The following RAD23B variants were observed in gnomAD, a reference collection of about 807,000 sequenced individuals.
The protein encoded by RAD23B is RAD23 nucleotide excision repair protein B, also known as lysine-specific demethylase RAD23B.
A neutral mutation model predicts 49.1 loss-of-function variants in RAD23B; 5 were observed. The ratio of observed to expected loss-of-function variants is 0.10; its 90% CI spans 0.05 to 0.21. The LOEUF (loss-of-function observed/expected upper bound fraction) is 0.21, where lower values mean the gene tolerates loss of function less well. Ranked by LOEUF, RAD23B falls within the 10% of genes least tolerant of loss-of-function variation. The pLI is 1.00. For missense variants in RAD23B, 356 were observed against 486.7 expected, an observed-to-expected ratio of 0.73 and a Z score of 2.53; for synonymous variants, 184 against 165.4, an observed-to-expected ratio of 1.11 and a Z score of -0.86.
chr9:107,290,362 G>A (rs1281924756), intron 1 of RAD23B, among the ~76,000 whole-genome samples: 6 of 151,992 alleles, frequency 3.9e-5, no homozygotes, highest in East Asian at 1.9e-4. Flanking sequence ...CATTTCTAGG[G>A]TATACAAACA....
chr9:107,306,141 G>A (rs1330306057), intron 3 of RAD23B, among the ~76,000 whole-genome samples: 4 of 144,324 alleles, frequency 2.8e-5, no homozygotes, highest in Admixed American at 1.4e-4. Context: ...AAATTGTTGG[G>A]TAAAATTAAT....
chr9:107,304,466 A>C (rs1181017344), intron 3 of RAD23B, among the ~76,000 whole-genome samples: 3 of 146,798 alleles, frequency 2.0e-5, no homozygotes, highest in Admixed American at 6.8e-5. Flanking sequence ...AATAATCTGC[A>C]GAATATTATA....
intron 3 of RAD23B, among the ~76,000 whole-genome samples, chr9:107,305,203 G>C (rs1826738066): frequency 6.6e-6 from 1 of 152,164 alleles, no homozygotes; most frequent in African/African-American, 2.4e-5. Flanking sequence ...TTGGGGGCGG[G>C]GGCAGTGGCT....
chr9:107,287,617 C>T (rs986192172), intron 1 of RAD23B, among the ~76,000 whole-genome samples: 4 of 151,946 alleles, frequency 2.6e-5, no homozygotes, highest in Non-Finnish European at 5.9e-5. Context: ...GGTGGATCAC[C>T]TGAGGTCAGG....
At chr9:107,314,139 T>C (rs1391316076) in intron 5 of RAD23B, among the ~76,000 whole-genome samples, 1 of 152,222 alleles carries the variant, frequency 6.6e-6, no homozygotes, top group African/African-American at 2.4e-5. Flanking sequence ...TCATGGGGTC[T>C]TTGTTAATTC....
Position 107,329,884 on chromosome 9 carries a change from C to G in RAD23B, c.*228C>G, listed in dbSNP as rs2133103302. On this transcript the variant is annotated 3_prime_UTR_variant, in exon 10 of 10. Transcript: ENST00000358015. Reference sequence around the variant, plus strand: ...ACACAGTGTGTAAAATATATACAACCAAAAATCAGCTTTTGCAGGTCTTTA... The same window carrying G: ...ACACAGTGTGTAAAATATATACAACGAAAAATCAGCTTTTGCAGGTCTTTA... The G allele has an allele frequency of 6.6e-6, 2 of 303,606 alleles. No individual in the cohort carries two copies. The highest frequency in any genetic ancestry group is 5.2e-5 in the East Asian group (1 of 19,304). 18.8% of individuals were successfully genotyped at this position (303,606 alleles called of 1,614,324 possible). A position where few individuals can be genotyped will look rare whatever the true frequency, so the allele number is the denominator to read the frequency against.
At chr9:107,309,997 A>G (rs985321938) in intron 4 of RAD23B, among the ~76,000 whole-genome samples, 1 of 151,884 alleles carries the variant, frequency 6.6e-6, no homozygotes, top group Non-Finnish European at 1.5e-5. Context: ...GATGTGTCTT[A>G]CCGGATTTTA....
At chr9:107,325,315 A>G (rs1238288613) in intron 9 of RAD23B, among the ~76,000 whole-genome samples, 3 of 54,096 alleles carry the variant, frequency 5.5e-5, no homozygotes, top group African/African-American at 1.7e-4. Flanking sequence ...CTCTGTCTCA[A>G]AAAAAAAAAA....
Position 107,332,110 on chromosome 9 carries a change from C to A in RAD23B, c.*2454C>A. 4.7e-6 allele frequency: 1 copy of A among 212,044 alleles called. No homozygotes were observed. The highest frequency in any genetic ancestry group is 9.2e-6 in the Non-Finnish European group (1 of 108,168). The allele number at this position is 212,044 out of a possible 1,614,324, so 13.1% of individuals were successfully genotyped here. On this transcript the variant is annotated 3_prime_UTR_variant, in exon 10 of 10. Coordinates refer to ENST00000358015, the MANE Select transcript of RAD23B (RefSeq NM_002874.5). ...AATTTTTTTTCATTGTTTAAAAATA[C>A]GGAAGTGTTCCAATATAATTTTTTC...
chr9:107,296,072 G>C (rs986796849), intron 1 of RAD23B, among the ~76,000 whole-genome samples: 3 of 152,110 alleles, frequency 2.0e-5, no homozygotes, highest in Non-Finnish European at 2.9e-5. Flanking sequence ...AACATGGAGT[G>C]GTTTTTAGAT....
intron 9 of RAD23B, among the ~76,000 whole-genome samples, chr9:107,329,317 T>C (rs778156209): frequency 6.6e-6 from 1 of 152,176 alleles, no homozygotes; most frequent in African/African-American, 2.4e-5. Context: ...TTTAGGTGAT[T>C]AGTAAAGGAA....
rs761132798 is a variant in RAD23B at position 107,322,126 on chromosome 9, G to A, written c.817+8G>A. 14 of 1,588,696 alleles carry A rather than the reference G, an allele frequency of 8.8e-6. No homozygotes were observed. Among genetic ancestry groups the A allele is most frequent in the Admixed American group, 5.4e-5 (3 of 55,124 alleles). On this transcript the variant is annotated splice_region_variant and intron_variant, in intron 7 of 9. Coordinates refer to ENST00000358015, the MANE Select transcript of RAD23B (RefSeq NM_002874.5). ...CAACAACAAGTTCTGGAGGTAAAGC[G>A]GAATCTTCTGGATGGGGAGGGAATG...
chr9:107,322,131 C>T lies in RAD23B; in HGVS notation c.817+13C>T. 1 of 1,581,734 alleles carries T rather than the reference C, an allele frequency of 6.3e-7. No individual in the cohort carries two copies. The highest frequency in any genetic ancestry group is 8.6e-7 in the Non-Finnish European group (1 of 1,163,130). On this transcript the variant is annotated intron_variant, in intron 7 of 9. Transcript: ENST00000358015. ...ACAAGTTCTGGAGGTAAAGCGGAAT[C>T]TTCTGGATGGGGAGGGAATGGCCCT...
chr9:107,289,875 A>G (rs879590813), intron 1 of RAD23B, among the ~76,000 whole-genome samples: 3 of 152,144 alleles, frequency 2.0e-5, no homozygotes, highest in Non-Finnish European at 4.4e-5. Flanking sequence ...ATTAAATTCA[A>G]CTCAGTGTTT....
At chr9:107,316,480 T>G (rs1392580281) in intron 5 of RAD23B, among the ~76,000 whole-genome samples, 1 of 152,212 alleles carries the variant, frequency 6.6e-6, no homozygotes, top group East Asian at 1.9e-4. Flanking sequence ...GATACTGATT[T>G]CTGTATCTGG....
chr9:107,321,877 CT>C, intron 6 of RAD23B, 105 bp from the exon 7 acceptor site: 1 of 1,192,724 alleles, frequency 8.4e-7, no homozygotes, highest in Non-Finnish European at 1.1e-6. Flanking sequence ...CTGTTTGATG[CT>C]TTTGAAAATC....
At chr9:107,304,579 T>TCAA (rs1285488600) in intron 3 of RAD23B, among the ~76,000 whole-genome samples, 2 of 152,242 alleles carry the variant, frequency 1.3e-5, no homozygotes, top group Non-Finnish European at 2.9e-5. Flanking sequence ...CCTAGTGTCT[T>TCAA]CTTTATTAGT....
At chr9:107,309,506 A>T (rs925856603) in intron 4 of RAD23B, among the ~76,000 whole-genome samples, 1 of 152,244 alleles carries the variant, frequency 6.6e-6, no homozygotes, top group Admixed American at 6.5e-5. Context: ...AAGCGTTGAC[A>T]TATAACTAAT....
rs1833206188 is a variant in RAD23B, at chr9:107,283,709, C to T, written c.66+14C>T. ...CCCGAGGAGACGGTATGCGCGCGGG[C>T]CGGGGGCAGGGGCAGCCGCGTGCGG... On this transcript the variant is annotated intron_variant, in intron 1 of 9. Transcript: ENST00000358015. 1 of 1,446,102 alleles carries T rather than the reference C, an allele frequency of 6.9e-7. No homozygotes were observed. Among genetic ancestry groups the T allele is most frequent in the African/African-American group, 1.5e-5 (1 of 67,314 alleles). 89.6% of individuals were successfully genotyped at this position (1,446,102 alleles called of 1,614,324 possible). A position where few individuals can be genotyped will look rare whatever the true frequency, so the allele number is the denominator to read the frequency against.
Sources: gnomAD v4.1 joint callset for allele counts (sites outside exome capture counted in the v4.1 genomes callset) on GRCh38, gnomAD v4.1.1 for gene constraint, MANE v1.5 for transcripts, NCBI Gene and HGNC (gene_info 2026-07-23, HGNC 2026-07-21) for gene names.